ANO3: variants seen among roughly 807,000 people sequenced by gnomAD.
ANO3 encodes anoctamin-3.
A neutral mutation model predicts 144.8 loss-of-function variants in ANO3; 99 were observed. That is an observed-to-expected ratio of 0.68 (90% CI 0.58 to 0.81). The LOEUF is 0.81. Among genes scored for constraint, ANO3 ranks in the 30% least tolerant of loss-of-function variants. The pLI is 0.00. For missense variants in ANO3, 905 were observed against 1,202.2 expected (o/e 0.75, Z 3.66); for synonymous variants, 414 against 392.6 (o/e 1.05, Z -0.64).
intron 20 of ANO3, among the ~76,000 whole-genome samples, chr11:26,638,897 A>G (rs967213916): frequency 6.6e-6 from 1 of 152,216 alleles, no homozygotes; most frequent in African/African-American, 2.4e-5. Context: ...GGCAGATAGT[A>G]AGTACTCACT....
intron 7 of ANO3, among the ~76,000 whole-genome samples, chr11:26,527,518 T>A (rs1017642445): frequency 2.6e-5 from 4 of 152,078 alleles, no homozygotes; most frequent in Middle Eastern, 3.4e-3. Flanking sequence ...CTGAAAAAAA[T>A]TACAAAATTT....
At chr11:26,435,533 G>A (rs72886258) in intron 1 of ANO3, among the ~76,000 whole-genome samples, 6,352 of 152,262 alleles carry the variant, frequency 0.042, 179 homozygotes, top group African/African-American at 0.077. Context: ...AGGGATTCCA[G>A]TGATTCATAG....
rs34069836 is a variant in ANO3, at chr11:26,193,136, C to CTT, written c.154+3827_154+3828dup. On this transcript the variant is annotated intron_variant, in intron 1 of 27. Transcript: ENST00000672621. ...ATAGTGGGATTTTGATTTTGCCTAT[C>CTT]TTTTTTTTTTTTTTTTTTTTTTGAG... Among the ~76,000 whole-genome samples the CTT allele has an allele frequency of 5.3e-3, 440 of 82,564 alleles. 11 individuals carry two copies. The highest frequency in any genetic ancestry group is 7.3e-3 in the Non-Finnish European group (333 of 45,468). The allele number at this position is 82,564 out of a possible 152,430, so 54.2% of individuals were successfully genotyped here.
intron 16 of ANO3, among the ~76,000 whole-genome samples, chr11:26,599,204 C>T (rs959112148): frequency 1.3e-5 from 2 of 152,218 alleles, no homozygotes; most frequent in South Asian, 4.1e-4. Context: ...AAAGAAAATA[C>T]TCTTTGGGAG....
rs150195481 is a variant in ANO3 at position 26,197,074 on chromosome 11, G to A, written c.154+7744G>A. On this transcript the variant is annotated intron_variant, in intron 1 of 27. Transcript: ENST00000672621. ...TATGTGTAAGCACACTGCCTAAACT[G>A]GTAATAATATTATTCCAGGAATCAC... is the stretch of plus-strand genomic sequence containing the variant. Among the ~76,000 whole-genome samples, 814 of 152,198 alleles carry A rather than the reference G, an allele frequency of 5.3e-3. 7 individuals carry two copies. The highest frequency in any genetic ancestry group is 0.018 in the African/African-American group (756 of 41,508).
At chr11:26,377,360 T>C (rs1239754870) in intron 1 of ANO3, among the ~76,000 whole-genome samples, 2 of 151,768 alleles carry the variant, frequency 1.3e-5, no homozygotes, top group Non-Finnish European at 2.9e-5. Context: ...ATAAAGATAA[T>C]AAAAAGAAGG....
At chr11:26,289,716 T>C (rs966033078) in intron 1 of ANO3, among the ~76,000 whole-genome samples, 2 of 143,460 alleles carry the variant, frequency 1.4e-5, no homozygotes, top group Non-Finnish European at 3.0e-5. Flanking sequence ...ATATTCTATA[T>C]GTGTATATAT....
intron 3 of ANO3, among the ~76,000 whole-genome samples, chr11:26,445,066 G>T (rs1017688079): frequency 6.6e-6 from 1 of 151,890 alleles, no homozygotes; most frequent in Non-Finnish European, 1.5e-5. Context: ...CAATTTTTTT[G>T]ATTTTAGAAT....
intron 6 of ANO3, 68 bp downstream of exon 6, chr11:26,516,995 A>AGAGCAACAAATGCAACCCCTTC: frequency 1.1e-6 from 1 of 892,238 alleles, no homozygotes; most frequent in East Asian, 2.9e-5. Flanking sequence ...GCATCACCTT[A>AGAGCAACAAATGCAACCCCTTC]GAGCAACAAA....
At chr11:26,505,694 C>T (rs911674505) in intron 4 of ANO3, among the ~76,000 whole-genome samples, 4 of 151,948 alleles carry the variant, frequency 2.6e-5, no homozygotes, top group African/African-American at 9.7e-5. Flanking sequence ...GCAAATTGGC[C>T]GGGCGCAGTG....
At chr11:26,317,498 A>G (rs1854653851) in intron 1 of ANO3, among the ~76,000 whole-genome samples, 2 of 152,230 alleles carry the variant, frequency 1.3e-5, no homozygotes, top group Admixed American at 6.5e-5. Flanking sequence ...CGGCCAACAA[A>G]CATGAAAAAA....
intron 1 of ANO3, among the ~76,000 whole-genome samples, chr11:26,290,339 T>C (rs1375935177): frequency 6.6e-6 from 1 of 152,164 alleles, no homozygotes; most frequent in East Asian, 1.9e-4. Flanking sequence ...CTATCAATTT[T>C]GTTGATCTTT....
Position 26,384,416 on chromosome 11 carries a change from T to G in ANO3, c.46+52095T>G, listed in dbSNP as rs565578151. Among the ~76,000 whole-genome samples, 1,400 of 152,238 alleles carry G rather than the reference T, an allele frequency of 9.2e-3. 7 individuals carry two copies. Among genetic ancestry groups the G allele is most frequent in the Non-Finnish European group, 0.014 (959 of 68,002 alleles). On this transcript the variant is annotated intron_variant, in intron 1 of 26. Transcript: ENST00000256737. Reference sequence around the variant, plus strand: ...AGAAGTCTGCAAGAATCATACCTATTAGCTCCGAGATGAGCTCAAAAATTG... The same window carrying G: ...AGAAGTCTGCAAGAATCATACCTATGAGCTCCGAGATGAGCTCAAAAATTG...
chr11:26,261,373 A>G (rs60393417), intron 1 of ANO3, among the ~76,000 whole-genome samples: 12,237 of 152,222 alleles, frequency 0.08, 1,361 homozygotes, highest in African/African-American at 0.25. Flanking sequence ...AATGTTAGCC[A>G]TGCCCTGAAA....
At chr11:26,627,182 T>C (rs189028872) in intron 18 of ANO3, among the ~76,000 whole-genome samples, 6 of 152,226 alleles carry the variant, frequency 3.9e-5, no homozygotes, top group Admixed American at 3.9e-4. Flanking sequence ...AACAATGTTT[T>C]GAAAGGGGAA....
chr11:26,493,016 G>C (rs1290807392), intron 4 of ANO3, among the ~76,000 whole-genome samples: 1 of 152,150 alleles, frequency 6.6e-6, no homozygotes, highest in East Asian at 1.9e-4. Flanking sequence ...GCACATAATA[G>C]ATTCTTAATA....
intron 19 of ANO3, 101 bp from the exon 20 acceptor site, chr11:26,634,912 G>C: frequency 1.1e-6 from 1 of 870,694 alleles, no homozygotes; most frequent in East Asian, 2.5e-5. Context: ...GCACCAGTGA[G>C]CGTTTATGTC....
intron 1 of ANO3, among the ~76,000 whole-genome samples, chr11:26,281,473 C>A (rs1272854510): frequency 6.6e-6 from 1 of 152,134 alleles, no homozygotes; most frequent in Non-Finnish European, 1.5e-5. Flanking sequence ...CCAAACTCCA[C>A]CTCAGATGAC....
intron 1 of ANO3, among the ~76,000 whole-genome samples, chr11:26,423,984 T>C (rs1391090334): frequency 6.6e-6 from 1 of 152,026 alleles, no homozygotes; most frequent in Non-Finnish European, 1.5e-5. Flanking sequence ...AAAATGTTTT[T>C]TTTTTAATTT....
Sources: gnomAD v4.1 joint callset for allele counts (sites outside exome capture counted in the v4.1 genomes callset) on GRCh38, gnomAD v4.1.1 for gene constraint, MANE v1.5 for transcripts, NCBI Gene and HGNC (gene_info 2026-07-23, HGNC 2026-07-21) for gene names.